Variants in TBC1D31 observed in about 807,000 individuals in gnomAD.
TBC1D31 encodes WD repeat domain 67.
TBC1D31 carries 99 observed loss-of-function variants against 132.9 expected under a neutral mutation model. That is an observed-to-expected ratio of 0.74 (90% CI 0.63 to 0.88). The LOEUF is 0.88. Ranked by LOEUF, TBC1D31 falls within the 40% of genes least tolerant of loss-of-function variation. TBC1D31 has a pLI of 0.00. For missense variants in TBC1D31, 1,134 were observed against 1,256.6 expected, an observed-to-expected ratio of 0.90 and a Z score of 1.48; for synonymous variants, 385 against 419.4, an observed-to-expected ratio of 0.92 and a Z score of 1.00.
At position 123,142,567 on chromosome 8, in the gene TBC1D31, T is replaced by C. The variant is rs572636925; in HGVS notation, c.2835+111T>C. On this transcript the variant is annotated intron_variant, in intron 19 of 21. Coordinates refer to ENST00000287380, the MANE Select transcript of TBC1D31 (RefSeq NM_145647.4). ...GCCTCGAAATTCAAACTCGGGGCCTTAAGCAATCTGCCTGCATCAGCCTCC... is the reference window on the plus strand; with the variant it reads ...GCCTCGAAATTCAAACTCGGGGCCTCAAGCAATCTGCCTGCATCAGCCTCC... The C allele has an allele frequency of 1.8e-5, 15 of 840,376 alleles. No homozygotes were observed. In the East Asian group the frequency reaches 4.6e-4, roughly 25 times the overall value. 52.1% of individuals were successfully genotyped at this position (840,376 alleles called of 1,614,324 possible).
intron 17 of TBC1D31, among the ~76,000 whole-genome samples, 199 bp downstream of exon 17, chr8:123,134,405 T>C (rs1022459241): frequency 6.6e-6 from 1 of 152,020 alleles, no homozygotes; most frequent in Non-Finnish European, 1.5e-5. Context: ...TGCTTACCTG[T>C]AGTCCCAACT....
chr8:123,108,286 G>C (rs1337152424), intron 8 of TBC1D31, among the ~76,000 whole-genome samples: 1 of 152,124 alleles, frequency 6.6e-6, no homozygotes, highest in Non-Finnish European at 1.5e-5. Context: ...ATAGTTGTTA[G>C]ATCCAGTTGA....
At chr8:123,152,421 C>T (rs1254215820), downstream of TBC1D31, among the ~76,000 whole-genome samples, 1 of 152,210 alleles carries the variant, frequency 6.6e-6, no homozygotes, top group Non-Finnish European at 1.5e-5. Flanking sequence ...CATCTCATCT[C>T]TGCCCAGCTC....
the TBC1D31 span, among the ~76,000 whole-genome samples, chr8:123,158,018 CTTTTT>C: frequency 3.4e-5 from 4 of 117,678 alleles, no homozygotes; most frequent in Non-Finnish European, 5.2e-5. Context: ...TTTTTTCTTC[CTTTTT>C]TTTTTTTTTT....
At chr8:123,103,180 A>C (rs1817610462) in intron 7 of TBC1D31, 1 of 152,142 alleles carries the variant, frequency 6.6e-6, no homozygotes, top group African/African-American at 2.4e-5. Flanking sequence ...GTGAGAATTA[A>C]CTATACATAT....
At position 123,142,957 on chromosome 8, in the gene TBC1D31, A is replaced by G. The variant is rs141262370; in HGVS notation, c.2835+501A>G. On this transcript the variant is annotated intron_variant, in intron 19 of 21. Transcript: ENST00000287380. ...AACAAAACCCCAAATTACAGTGACT[A>G]TGAACAGGATAGAAATATAGTCTGG... Among the ~76,000 whole-genome samples, 20 of 152,356 alleles carry G rather than the reference A, an allele frequency of 1.3e-4. No individual in the cohort carries two copies. In the East Asian group the frequency reaches 3.7e-3, roughly 28 times the overall value.
downstream of TBC1D31, among the ~76,000 whole-genome samples, chr8:123,155,290 ACT>A (rs1822959689): frequency 1.3e-5 from 2 of 151,686 alleles, no homozygotes; most frequent in South Asian, 2.1e-4. This position sits in a 1 kb window ranked among gnomAD's most constrained non-coding sequence, Gnocchi z 4.1. Context: ...AACCTGAAAA[ACT>A]CTGTGGTGAC....
intron 20 of TBC1D31, 125 bp downstream of exon 20, chr8:123,144,980 G>A: frequency 1.1e-6 from 1 of 889,588 alleles, no homozygotes; most frequent in South Asian, 2.0e-5. Flanking sequence ...CTGGAGTGTA[G>A]TGATGCAATC....
In TBC1D31 at chr8:123,129,733, G is replaced by A. The variant is rs557468191; in HGVS notation, c.2271-465G>A. ...ACCTATAGTCCCAGCTACTAGGTAG[G>A]ATCACTTGAGCCCAGGAGGTCAAGG... On this transcript the variant is annotated intron_variant, in intron 15 of 21. Transcript: ENST00000287380. Among the ~76,000 whole-genome samples, 13 of 152,236 alleles carry A rather than the reference G, an allele frequency of 8.5e-5. No individual in the cohort carries two copies. In the East Asian group the frequency reaches 1.5e-3, roughly 18 times the overall value.
At chr8:123,155,608 A>G (rs1822968384), downstream of TBC1D31, among the ~76,000 whole-genome samples, 1 of 152,178 alleles carries the variant, frequency 6.6e-6, no homozygotes, top group African/African-American at 2.4e-5. The surrounding 1 kb of genome is among the most constrained non-coding windows in gnomAD (Gnocchi z 4.1). Flanking sequence ...CACCATGGAG[A>G]GTCATACCTG....
chr8:123,151,988 A>G lies in TBC1D31; in HGVS notation c.*49A>G. Reference sequence around the variant, plus strand: ...CGAGAGAGAGACCTATTTTGCAATCAGTGACATTGATTTTTAGATTATTTA... The same window carrying G: ...CGAGAGAGAGACCTATTTTGCAATCGGTGACATTGATTTTTAGATTATTTA... On this transcript the variant is annotated 3_prime_UTR_variant, in exon 22 of 22. Coordinates refer to ENST00000287380, the MANE Select transcript of TBC1D31 (RefSeq NM_145647.4). 7.3e-7 allele frequency: 1 copy of G among 1,371,074 alleles called. No homozygotes were observed. 84.9% of individuals were successfully genotyped at this position (1,371,074 alleles called of 1,614,324 possible). A position where few individuals can be genotyped will look rare whatever the true frequency, so the allele number is the denominator to read the frequency against.
rs557009152 is a variant in TBC1D31 at position 123,131,927 on chromosome 8, G to A, written c.2406+1594G>A. On this transcript the variant is annotated intron_variant, in intron 16 of 21. Transcript: ENST00000287380. ...TTCTGTTACTTATCTTCCATGTGTAGAATTACACATTACATATTTGTATCA... is the reference window on the plus strand; with the variant it reads ...TTCTGTTACTTATCTTCCATGTGTAAAATTACACATTACATATTTGTATCA... Among the ~76,000 whole-genome samples, 11 of 152,098 alleles carry A rather than the reference G, an allele frequency of 7.2e-5. 1 individual carries two copies. In the South Asian group the frequency reaches 2.3e-3, roughly 32 times the overall value.
At chr8:123,099,310 C>T (rs1449297575) in intron 6 of TBC1D31, among the ~76,000 whole-genome samples, 15 of 151,938 alleles carry the variant, frequency 9.9e-5, no homozygotes, top group Admixed American at 9.2e-4. Flanking sequence ...TTAGTAGAGA[C>T]GGGGTTTCAC....
chr8:123,160,265 C>T, the TBC1D31 span, among the ~76,000 whole-genome samples: 1 of 152,242 alleles, frequency 6.6e-6, no homozygotes, highest in African/African-American at 2.4e-5. Context: ...TAACATTTGG[C>T]TGACAGTTTT....
the TBC1D31 span, among the ~76,000 whole-genome samples, chr8:123,159,848 G>T: frequency 6.6e-6 from 1 of 151,916 alleles, no homozygotes; most frequent in African/African-American, 2.4e-5. Context: ...GCAACTGTAT[G>T]GTTGGAGGTA....
At chr8:123,101,105 G>T (rs950299023) in intron 7 of TBC1D31, 98 bp downstream of exon 7, 87 of 919,554 alleles carry the variant, frequency 9.5e-5, no homozygotes, top group Admixed American at 3.0e-4. Context: ...TAACTTACCT[G>T]GAACTTATCC....
intron 17 of TBC1D31, among the ~76,000 whole-genome samples, chr8:123,137,143 A>G (rs2130869435): frequency 6.6e-6 from 1 of 152,332 alleles, no homozygotes; most frequent in Non-Finnish European, 1.5e-5. Flanking sequence ...ACTAAGTATA[A>G]ACTAAAAGAA....
intron 2 of TBC1D31, among the ~76,000 whole-genome samples, chr8:123,078,077 T>C (rs1814725242): frequency 6.6e-6 from 1 of 152,046 alleles, no homozygotes; most frequent in Admixed American, 6.6e-5. Context: ...TGGTTTTCAC[T>C]CTTCTTCCTC....
intron 1 of TBC1D31, among the ~76,000 whole-genome samples, chr8:123,074,217 G>A (rs1156746407): frequency 1.3e-5 from 2 of 151,390 alleles, no homozygotes; most frequent in Admixed American, 1.3e-4. Context: ...TAGTAGAGAC[G>A]GACCGTGTTA....
Sources: allele counts gnomAD v4.1 joint callset (sites outside exome capture counted in the v4.1 genomes callset), GRCh38; gene constraint gnomAD v4.1.1; non-coding constraint Gnocchi (gnomAD v3.1); transcripts MANE v1.5; gene names NCBI Gene and HGNC (gene_info 2026-07-23, HGNC 2026-07-21).